The following ANK2 variants were observed in gnomAD, a reference collection of about 807,000 sequenced individuals.
The protein encoded by ANK2 is ankyrin-2.
In ANK2, 83 loss-of-function variants were observed where a neutral mutation model predicts 360.5. That is an observed-to-expected ratio of 0.23 (90% CI 0.19 to 0.28). The LOEUF is 0.28. Ranked by LOEUF, ANK2 falls within the 10% of genes least tolerant of loss-of-function variation. The pLI, the probability that ANK2 is intolerant of heterozygous loss-of-function variation, is 1.00. For synonymous variants in ANK2, 1,740 were observed against 1,759.5 expected (o/e 0.99, Z 0.28); for missense variants, 4,201 against 4,795.7 (o/e 0.88, Z 3.66).
chr4:112,728,016 C>T, the ANK2 span, among the ~76,000 whole-genome samples: 1 of 150,486 alleles, frequency 6.6e-6, no homozygotes, highest in East Asian at 2.0e-4. Context: ...AAGAATTGGC[C>T]GGGTGCGGTG....
chr4:113,345,645 T>C (rs2094762188), intron 34 of ANK2, among the ~76,000 whole-genome samples: 1 of 152,198 alleles, frequency 6.6e-6, no homozygotes, highest in South Asian at 2.1e-4. Flanking sequence ...AATGTATACA[T>C]ATATCAAATC....
In ANK2 at chr4:112,920,240, A is replaced by G. The variant is rs147020599; in HGVS notation, c.21+15726A>G. Among the ~76,000 whole-genome samples the G allele has an allele frequency of 7.2e-4, 110 of 152,326 alleles. No homozygotes were observed. In the South Asian group the frequency reaches 8.5e-3, roughly 12 times the overall value. On this transcript the variant is annotated intron_variant, in intron 2 of 30. Transcript: ENST00000503271. ...GACACAAAGTCAATCTGCATTTGTA[A>G]TGTTTAATGAGAAGACTCAGCTCAT...
At chr4:112,716,868 C>T in the ANK2 span, among the ~76,000 whole-genome samples, 3 of 152,112 alleles carry the variant, frequency 2.0e-5, no homozygotes, top group East Asian at 1.9e-4. Context: ...AACACTGCAA[C>T]CCCCCTTTCC....
chr4:113,333,918 C>T (rs1364972306), intron 29 of ANK2, among the ~76,000 whole-genome samples: 1 of 152,166 alleles, frequency 6.6e-6, no homozygotes, highest in Admixed American at 6.5e-5. Context: ...AGGAAAGCGG[C>T]TCTTCCTCAG....
chr4:113,004,923 C>T (rs1380226405), intron 2 of ANK2, among the ~76,000 whole-genome samples: 2 of 152,116 alleles, frequency 1.3e-5, no homozygotes, highest in Admixed American at 6.6e-5. Context: ...AATGTCATCA[C>T]GTGGCGCATG....
intron 4 of ANK2, among the ~76,000 whole-genome samples, chr4:113,223,571 T>C (rs2099176408): frequency 6.6e-6 from 1 of 152,128 alleles, no homozygotes; most frequent in Admixed American, 6.5e-5. Context: ...AGATAGCATT[T>C]GAAGAGCTAA....
chr4:112,825,562 A>G (rs2058243663), intron 1 of ANK2, among the ~76,000 whole-genome samples: 1 of 152,222 alleles, frequency 6.6e-6, no homozygotes, highest in Non-Finnish European at 1.5e-5. Flanking sequence ...TACCAATACT[A>G]CAAAAGCAAC....
At chr4:112,796,608 C>T in the ANK2 span, among the ~76,000 whole-genome samples, 31 of 151,434 alleles carry the variant, frequency 2.0e-4, no homozygotes, top group East Asian at 5.8e-3. Flanking sequence ...CTTTGGCCTC[C>T]CAAAGTTCTA....
At chr4:113,330,509 G>A (rs2153926975) in intron 27 of ANK2, 39 bp downstream of exon 27, 4 of 1,595,900 alleles carry the variant, frequency 2.5e-6, no homozygotes, top group South Asian at 1.1e-5. Flanking sequence ...AGTCATCGAT[G>A]AGCTTGTGTC....
chr4:113,281,158 A>G (rs915389876), intron 17 of ANK2, among the ~76,000 whole-genome samples: 2 of 152,214 alleles, frequency 1.3e-5, no homozygotes, highest in Non-Finnish European at 2.9e-5. Context: ...ATTTGATGAT[A>G]GCTCATAAAG....
chr4:113,224,117 G>A (rs767026427), intron 4 of ANK2, among the ~76,000 whole-genome samples: 1 of 152,130 alleles, frequency 6.6e-6, no homozygotes, highest in Non-Finnish European at 1.5e-5. Flanking sequence ...CAGAAATCAC[G>A]CACCATCAAT....
intron 4 of ANK2, among the ~76,000 whole-genome samples, chr4:113,219,254 T>C (rs189108262): frequency 2.0e-5 from 3 of 152,238 alleles, no homozygotes; most frequent in Admixed American, 2.0e-4. Flanking sequence ...TCTACCCAAT[T>C]TCAATATTCA....
chr4:112,944,288 A>G (rs1319630220), intron 2 of ANK2, among the ~76,000 whole-genome samples: 1 of 152,188 alleles, frequency 6.6e-6, no homozygotes, highest in African/African-American at 2.4e-5. Flanking sequence ...TCCACAGACT[A>G]TGGTACATGT....
the ANK2 span, among the ~76,000 whole-genome samples, chr4:112,771,941 T>A: frequency 1.2e-4 from 18 of 152,262 alleles, no homozygotes; most frequent in South Asian, 3.5e-3. Context: ...GTGTCCTGTG[T>A]CTTCAGAGAT....
chr4:113,353,493 C>G lies in ANK2; in HGVS notation c.4875C>G (p.Ile1625Met), dbSNP rs751971111. Residue 1625 changes from isoleucine (I) to methionine (M), a missense_variant, in exon 38 of 46, where the codon ATC becomes ATG. Coordinates refer to ENST00000357077, the MANE Select transcript of ANK2 (RefSeq NM_001148.6). The stretch of plus-strand genomic sequence containing the variant: ...TAGAAGTTAGAATAGATAAAGAGAT[C>G]AAAGGAAAAGTAGAGAAAGACTCAA... Reference protein sequence around the residue: ...PCVEVRIDKEIKGKVEKDSTG... With the variant: ...PCVEVRIDKEMKGKVEKDSTG... The G allele has an allele frequency of 1.2e-5, 20 of 1,613,820 alleles. No homozygotes were observed. The highest frequency in any genetic ancestry group is 1.4e-5 in the Non-Finnish European group (17 of 1,179,952).
At chr4:113,376,888 C>G (rs1019041053) in intron 45 of ANK2, among the ~76,000 whole-genome samples, 2 of 136,386 alleles carry the variant, frequency 1.5e-5, no homozygotes, top group Non-Finnish European at 3.1e-5. Context: ...TAATCAATAT[C>G]ACTGTCTTCC....
chr4:112,954,421 A>G (rs1319092050), intron 2 of ANK2, among the ~76,000 whole-genome samples: 3 of 152,178 alleles, frequency 2.0e-5, no homozygotes, highest in African/African-American at 4.8e-5. Context: ...AAACAATGAG[A>G]TAAGTATTTA....
At chr4:112,828,480 G>A (rs55865467) in intron 1 of ANK2, among the ~76,000 whole-genome samples, 3 of 152,030 alleles carry the variant, frequency 2.0e-5, no homozygotes, top group Non-Finnish European at 2.9e-5. Flanking sequence ...TGATCCACCC[G>A]CCTCGGACTC....
In ANK2 at chr4:113,357,265, T is replaced by G. The variant is rs778307564; in HGVS notation, c.8647T>G (p.Phe2883Val). ...KTEVTKTDET[F>V]ENLPKDCPSQ... ...AGAGGTCACAAAAACTGATGAAACA[T>G]TTGAGAACTTACCAAAGGACTGCCC... is the stretch of plus-strand genomic sequence containing the variant. Residue 2883 changes from phenylalanine to valine, a missense_variant, in exon 38 of 46, where the codon TTT (phenylalanine) becomes GTT (valine). Transcript: ENST00000357077. The G allele has an allele frequency of 3.9e-5, 63 of 1,613,918 alleles. 1 individual carries two copies. The highest frequency in any genetic ancestry group is 4.4e-5 in the South Asian group (4 of 91,088).
Sources: allele counts gnomAD v4.1 joint callset (sites outside exome capture counted in the v4.1 genomes callset), GRCh38; gene constraint gnomAD v4.1.1; transcripts MANE v1.5; gene names NCBI Gene and HGNC (gene_info 2026-07-23, HGNC 2026-07-21).